The following SNX13 variants were observed in gnomAD, a reference collection of about 807,000 sequenced individuals.
The protein encoded by SNX13 is sorting nexin-13.
SNX13 carries 45 observed loss-of-function variants against 133.6 expected under a neutral mutation model. The observed-to-expected ratio is 0.34, with a 90% CI of 0.27 to 0.43. The LOEUF (loss-of-function observed/expected upper bound fraction) is 0.43. Ranked by LOEUF, SNX13 falls within the 20% of genes least tolerant of loss-of-function variation. The probability of loss-of-function intolerance (pLI) is 1.00; values close to 1 mark genes in which losing one functional copy is unlikely to be tolerated. For synonymous variants in SNX13, 414 were observed against 373.9 expected, an observed-to-expected ratio of 1.11 and a Z score of -1.24; for missense variants, 1,032 against 1,145.1, an observed-to-expected ratio of 0.90 and a Z score of 1.43.
intron 1 of SNX13, among the ~76,000 whole-genome samples, chr7:17,924,732 C>T (rs1583806698): frequency 6.6e-6 from 1 of 152,122 alleles, no homozygotes; most frequent in African/African-American, 2.4e-5. Flanking sequence ...TGTCCAGCAA[C>T]TGATGAAAGG....
intron 16 of SNX13, among the ~76,000 whole-genome samples, chr7:17,828,940 C>A (rs1350639776): frequency 6.6e-6 from 1 of 151,534 alleles, no homozygotes; most frequent in East Asian, 1.9e-4. Context: ...TTAACACTTC[C>A]TTCAAGCTCT....
At chr7:17,917,057 A>G (rs1036090658) in intron 1 of SNX13, among the ~76,000 whole-genome samples, 2 of 152,216 alleles carry the variant, frequency 1.3e-5, no homozygotes, top group Non-Finnish European at 2.9e-5. Flanking sequence ...CATTAAAAAC[A>G]AAAACCATAT....
intron 9 of SNX13, among the ~76,000 whole-genome samples, chr7:17,855,771 G>A (rs553482442): frequency 6.6e-6 from 1 of 152,326 alleles, no homozygotes; most frequent in Non-Finnish European, 1.5e-5. Flanking sequence ...TTGTTTTCAT[G>A]CCTACTAAAA....
At chr7:17,833,959 A>G in intron 15 of SNX13, 93 bp downstream of exon 15, 1 of 985,296 alleles carries the variant, frequency 1.0e-6, no homozygotes. Context: ...TTTGGACTCC[A>G]ACAACATTTT....
chr7:17,873,223 G>T (rs1439053707), intron 8 of SNX13, among the ~76,000 whole-genome samples: 1 of 152,092 alleles, frequency 6.6e-6, no homozygotes, highest in Non-Finnish European at 1.5e-5. Flanking sequence ...TCATAATAAT[G>T]CTAAGACATT....
At chr7:17,920,399 A>G (rs916314287) in intron 1 of SNX13, among the ~76,000 whole-genome samples, 1 of 152,234 alleles carries the variant, frequency 6.6e-6, no homozygotes, top group Admixed American at 6.5e-5. Context: ...TCTTCATTCA[A>G]AAGCAATTTC....
chr7:17,928,996 C>CCA (rs1801083370), intron 1 of SNX13, among the ~76,000 whole-genome samples: 3 of 74,796 alleles, frequency 4.0e-5, no homozygotes, highest in African/African-American at 1.3e-4. Context: ...TTTTTCAAAC[C>CCA]TATAAAGTAT....
At chr7:17,924,807 C>T (rs1408364857) in intron 1 of SNX13, among the ~76,000 whole-genome samples, 4 of 152,070 alleles carry the variant, frequency 2.6e-5, no homozygotes, top group Non-Finnish European at 5.9e-5. Flanking sequence ...AATTTGAAGT[C>T]CCATTACATG....
chr7:17,877,223 T>C (rs1484733350), intron 5 of SNX13, among the ~76,000 whole-genome samples: 2 of 151,840 alleles, frequency 1.3e-5, no homozygotes, highest in Non-Finnish European at 2.9e-5. Context: ...GGTGGATCCC[T>C]AAGCTCAGTA....
chr7:17,865,870 C>G (rs763431404), intron 9 of SNX13, among the ~76,000 whole-genome samples: 1 of 152,020 alleles, frequency 6.6e-6, no homozygotes, highest in African/African-American at 2.4e-5. Context: ...ACAAATGTGC[C>G]AAAAATACAC....
intron 5 of SNX13, chr7:17,888,007 G>A (rs1245287366): frequency 6.6e-6 from 1 of 152,172 alleles, no homozygotes; most frequent in African/African-American, 2.4e-5. Flanking sequence ...GCTTTCTGAA[G>A]TATATGAATG....
At chr7:17,911,554 G>A (rs922709841) in intron 1 of SNX13, among the ~76,000 whole-genome samples, 2 of 151,268 alleles carry the variant, frequency 1.3e-5, no homozygotes, top group African/African-American at 4.9e-5. Context: ...CAGGAGAACT[G>A]CTTGAACCAG....
At chr7:17,882,824 T>C in intron 5 of SNX13, 1 of 1,251,340 alleles carries the variant, frequency 8.0e-7, no homozygotes, top group Non-Finnish European at 1.0e-6. Context: ...TTAAATTACA[T>C]ATTCTAGGAG....
chr7:17,829,728 T>C lies in SNX13; in HGVS notation c.1635+282A>G, dbSNP rs376746904. ...AATTTAAACATGCTAAATATTAGAA[T>C]TGAAAATAATGAAATCAATTTATTT... On this transcript the variant is annotated intron_variant, in intron 16 of 25. Transcript: ENST00000428135. Among the ~76,000 whole-genome samples the C allele has an allele frequency of 7.9e-5, 12 of 151,416 alleles. No individual in the cohort carries two copies. The South Asian group carries it at 8.3e-4, about 10-fold the overall frequency.
At chr7:17,824,915 G>A (rs184468463) in intron 17 of SNX13, among the ~76,000 whole-genome samples, 1 of 151,948 alleles carries the variant, frequency 6.6e-6, no homozygotes, top group East Asian at 1.9e-4. Flanking sequence ...GACTACAGGT[G>A]TGCACCACCA....
At chr7:17,895,450 T>C (rs998031663) in intron 2 of SNX13, among the ~76,000 whole-genome samples, 3 of 152,156 alleles carry the variant, frequency 2.0e-5, no homozygotes, top group African/African-American at 4.8e-5. Context: ...AAGCAAAATA[T>C]AGACATTATC....
chr7:17,919,396 G>A (rs1169806701), intron 1 of SNX13, among the ~76,000 whole-genome samples: 4 of 152,162 alleles, frequency 2.6e-5, no homozygotes, highest in Non-Finnish European at 2.9e-5. Flanking sequence ...TCAGAAAGCA[G>A]CTTCGAATAT....
intron 2 of SNX13, among the ~76,000 whole-genome samples, 189 bp from the exon 3 acceptor site, chr7:17,893,623 T>C (rs527912540): frequency 2.2e-4 from 34 of 152,330 alleles, no homozygotes; most frequent in Admixed American, 1.1e-3. Flanking sequence ...ACTATGAACA[T>C]TTTGTGAATT....
chr7:17,878,545 G>C (rs1794989648), intron 5 of SNX13, among the ~76,000 whole-genome samples: 1 of 152,142 alleles, frequency 6.6e-6, no homozygotes, highest in African/African-American at 2.4e-5. Context: ...CATAAATTTT[G>C]CATGCCTTCA....
Sources: gnomAD v4.1 joint callset for allele counts (sites outside exome capture counted in the v4.1 genomes callset) on GRCh38, gnomAD v4.1.1 for gene constraint, MANE v1.5 for transcripts, NCBI Gene and HGNC (gene_info 2026-07-23, HGNC 2026-07-21) for gene names.